Variants in GMDS observed in about 807,000 individuals in gnomAD.
GMDS encodes GDP-mannose 4,6 dehydratase.
In GMDS, 20 loss-of-function variants were observed where a neutral mutation model predicts 49.9. The observed-to-expected ratio is 0.40, with a 90% confidence interval of 0.28 to 0.58. GMDS has a LOEUF of 0.58. Among genes scored for constraint, GMDS ranks in the 20% least tolerant of loss-of-function variants. The probability of loss-of-function intolerance (pLI) is 0.42; values close to 1 mark genes in which losing one functional copy is unlikely to be tolerated. For missense variants in GMDS, 362 were observed against 481.4 expected, an observed-to-expected ratio of 0.75 and a Z score of 2.32; for synonymous variants, 177 against 178.6, an observed-to-expected ratio of 0.99 and a Z score of 0.07.
intron 7 of GMDS, among the ~76,000 whole-genome samples, chr6:1,765,573 C>A (rs742535): frequency 0.4 from 60,926 of 151,648 alleles, 12,871 homozygotes; most frequent in East Asian, 0.59. Flanking sequence ...ATTTCATTGT[C>A]TAATTTTACA....
At chr6:1,662,435 G>C (rs75894623) in intron 9 of GMDS, among the ~76,000 whole-genome samples, 9,884 of 152,206 alleles carry the variant, frequency 0.065, 360 homozygotes, top group South Asian at 0.12. Context: ...CACCGTGTGT[G>C]CTGGGGGCTC....
chr6:1,856,353 A>G (rs907303781), intron 7 of GMDS, among the ~76,000 whole-genome samples: 2 of 152,204 alleles, frequency 1.3e-5, no homozygotes, highest in Non-Finnish European at 2.9e-5. Context: ...ATCTATTCCT[A>G]CTTACAACTC....
intron 4 of GMDS, among the ~76,000 whole-genome samples, chr6:2,018,528 T>C (rs775558940): frequency 6.6e-6 from 1 of 152,190 alleles, no homozygotes; most frequent in Admixed American, 6.5e-5. Flanking sequence ...AGACAACCAC[T>C]AGTCAGCCTT....
chr6:1,933,387 A>G (rs1237356035), intron 6 of GMDS, among the ~76,000 whole-genome samples: 1 of 152,226 alleles, frequency 6.6e-6, no homozygotes, highest in African/African-American at 2.4e-5. Flanking sequence ...TTAGGTATAT[A>G]CCTAGGGGTG....
chr6:1,830,466 T>C (rs1771304492), intron 7 of GMDS, among the ~76,000 whole-genome samples: 1 of 152,202 alleles, frequency 6.6e-6, no homozygotes, highest in Non-Finnish European at 1.5e-5. Context: ...AGTATGTGTA[T>C]TCAGCTTTGT....
At chr6:2,026,448 T>G (rs934045104) in intron 4 of GMDS, among the ~76,000 whole-genome samples, 1 of 152,228 alleles carries the variant, frequency 6.6e-6, no homozygotes, top group African/African-American at 2.4e-5. Flanking sequence ...CTTTGCAATT[T>G]ACACGAGACA....
At chr6:1,702,106 G>T (rs1765562852) in intron 9 of GMDS, among the ~76,000 whole-genome samples, 1 of 152,256 alleles carries the variant, frequency 6.6e-6, no homozygotes, top group Non-Finnish European at 1.5e-5. Context: ...TGGAAGAAAG[G>T]CGCCACAACG....
intron 4 of GMDS, among the ~76,000 whole-genome samples, chr6:1,972,092 G>C (rs1373939872): frequency 1.3e-5 from 2 of 152,072 alleles, no homozygotes; most frequent in South Asian, 2.1e-4. Flanking sequence ...ATAACTCCGT[G>C]GTCACAATTC....
chr6:1,861,967 A>T (rs902813913), intron 7 of GMDS, among the ~76,000 whole-genome samples: 1 of 152,268 alleles, frequency 6.6e-6, no homozygotes, highest in African/African-American at 2.4e-5. Context: ...GAATATATTT[A>T]GGAAAAGAGA....
chr6:2,133,624 T>C (rs574546463), intron 1 of GMDS, among the ~76,000 whole-genome samples: 2 of 152,342 alleles, frequency 1.3e-5, no homozygotes, highest in Admixed American at 6.5e-5. Flanking sequence ...TCTGCCACTA[T>C]AGAGTTCCAG....
chr6:1,787,129 C>T (rs1769357228), intron 7 of GMDS, among the ~76,000 whole-genome samples: 1 of 152,136 alleles, frequency 6.6e-6, no homozygotes, highest in South Asian at 2.1e-4. Flanking sequence ...TTGGGTATGC[C>T]TTAATCTCTC....
chr6:2,177,121 T>C (rs984580874), intron 1 of GMDS, among the ~76,000 whole-genome samples: 1 of 152,154 alleles, frequency 6.6e-6, no homozygotes, highest in Non-Finnish European at 1.5e-5. Flanking sequence ...CATGTTTTCC[T>C]GTTCAGAGAC....
chr6:1,894,364 T>C (rs992693069), intron 7 of GMDS, among the ~76,000 whole-genome samples: 1 of 152,236 alleles, frequency 6.6e-6, no homozygotes, highest in Non-Finnish European at 1.5e-5. Context: ...GTTATAGGTA[T>C]TTATTTTATG....
chr6:1,858,641 A>G (rs1758046510), intron 7 of GMDS, among the ~76,000 whole-genome samples: 1 of 152,060 alleles, frequency 6.6e-6, no homozygotes, highest in African/African-American at 2.4e-5. Flanking sequence ...CGTAATGGAG[A>G]AAGAAGAGCA....
chr6:1,845,260 GT>G (rs1342784269), intron 7 of GMDS, among the ~76,000 whole-genome samples: 1 of 152,212 alleles, frequency 6.6e-6, no homozygotes, highest in Non-Finnish European at 1.5e-5. Flanking sequence ...CACAGACTGA[GT>G]TAATGGCAGA....
chr6:1,786,092 C>T (rs558937955), intron 7 of GMDS, among the ~76,000 whole-genome samples: 85 of 152,288 alleles, frequency 5.6e-4, no homozygotes, highest in South Asian at 4.1e-4. Flanking sequence ...CAGTGCCGTC[C>T]GAGAATTTGG....
At chr6:1,830,252 G>C (rs1771294694) in intron 7 of GMDS, among the ~76,000 whole-genome samples, 1 of 152,134 alleles carries the variant, frequency 6.6e-6, no homozygotes, top group Non-Finnish European at 1.5e-5. Context: ...CTCTAGATCA[G>C]GATTTCCCAA....
At chr6:1,838,873 A>G (rs561238696) in intron 7 of GMDS, among the ~76,000 whole-genome samples, 1 of 152,250 alleles carries the variant, frequency 6.6e-6, no homozygotes, top group African/African-American at 2.4e-5. Flanking sequence ...CTCATAAGGT[A>G]TATCTCATCT....
chr6:1,649,618 C>T (rs1763589384), intron 9 of GMDS, among the ~76,000 whole-genome samples: 1 of 152,234 alleles, frequency 6.6e-6, no homozygotes, highest in African/African-American at 2.4e-5. Context: ...GATCCAAATG[C>T]TCCTGCCCTA....
Sources: gnomAD v4.1 joint callset for allele counts (sites outside exome capture counted in the v4.1 genomes callset) on GRCh38, gnomAD v4.1.1 for gene constraint, MANE v1.5 for transcripts, NCBI Gene and HGNC (gene_info 2026-07-23, HGNC 2026-07-21) for gene names.